ALS2: variants seen among roughly 807,000 people sequenced by gnomAD.
The protein encoded by ALS2 is alsin.
A neutral mutation model predicts 203.4 loss-of-function variants in ALS2; 117 were observed. The observed-to-expected ratio is 0.58, with a 90% CI of 0.50 to 0.67. The LOEUF (loss-of-function observed/expected upper bound fraction) is 0.67, where lower values mean the gene tolerates loss of function less well. ALS2 is among the 30% of genes least tolerant of loss of function. ALS2 has a pLI of 0.00. For synonymous variants in ALS2, 718 were observed against 725.9 expected (o/e 0.99, Z 0.17); for missense variants, 1,715 against 1,989.4 (o/e 0.86, Z 2.62).
rs141509107 is a variant in ALS2, at chr2:201,701,746, T to G, written c.*105A>C. On this transcript the variant is annotated 3_prime_UTR_variant, in exon 34 of 34. Coordinates refer to ENST00000264276, the MANE Select transcript of ALS2 (RefSeq NM_020919.4). ...TTCTAACAACCTAAATAACACAAAGTCCTTTCCAATTTCAACACTGTTCTT... is the reference window on the plus strand; with the variant it reads ...TTCTAACAACCTAAATAACACAAAGGCCTTTCCAATTTCAACACTGTTCTT... 2,336 of 1,095,926 alleles carry G rather than the reference T, an allele frequency of 2.1e-3. 38 individuals are homozygous for G. The African/African-American group carries it at 0.032, about 15-fold the overall frequency. The allele number at this position is 1,095,926 out of a possible 1,614,324, so 67.9% of individuals were successfully genotyped here. A position where few individuals can be genotyped will look rare whatever the true frequency, so the allele number is the denominator to read the frequency against.
intron 1 of ALS2, among the ~76,000 whole-genome samples, chr2:201,771,881 G>A (rs896139539): frequency 2.0e-5 from 3 of 152,116 alleles, no homozygotes; most frequent in African/African-American, 7.2e-5. Context: ...TTCCTGCATA[G>A]ACCTGTTAAC....
chr2:201,726,225 G>C (rs1018590146), intron 19 of ALS2, among the ~76,000 whole-genome samples: 1 of 152,132 alleles, frequency 6.6e-6, no homozygotes, highest in Non-Finnish European at 1.5e-5. Flanking sequence ...GAAATGAATA[G>C]AAAACATAGC....
chr2:201,705,545 G>T, intron 29 of ALS2, 84 bp from the exon 30 acceptor site: 1 of 1,045,808 alleles, frequency 9.6e-7, no homozygotes, highest in Non-Finnish European at 1.5e-6. Flanking sequence ...AGCTATATTG[G>T]CTTCCTTGTC....
At chr2:201,727,046 T>TAAA (rs11392576) in intron 17 of ALS2, among the ~76,000 whole-genome samples, 166 bp downstream of exon 17, 2 of 147,260 alleles carry the variant, frequency 1.4e-5, no homozygotes, top group South Asian at 2.1e-4. Flanking sequence ...TAAGTCACAT[T>TAAA]AAAAAAAAAA....
Position 201,707,750 on chromosome 2 carries a change from A to G in ALS2, c.4403+119T>C, listed in dbSNP as rs866328112. ...GGCCCCAACCCTCCTGGCCCCAACC[A>G]TATCATTTTAGAAATGAGGAAATAG... is the stretch of plus-strand genomic sequence containing the variant. On this transcript the variant is annotated intron_variant, in intron 28 of 33. Transcript: ENST00000264276. 2.2e-6 allele frequency: 3 copies of G among 1,384,272 alleles called. No homozygotes were observed. The Middle Eastern group carries it at 5.6e-4, about 260-fold the overall frequency. 85.7% of individuals were successfully genotyped at this position (1,384,272 alleles called of 1,614,324 possible). A position where few individuals can be genotyped will look rare whatever the true frequency, so the allele number is the denominator to read the frequency against.
At chr2:201,727,606 A>G (rs1460107406) in intron 16 of ALS2, 99 bp downstream of exon 16, 7 of 1,033,078 alleles carry the variant, frequency 6.8e-6, no homozygotes, top group Non-Finnish European at 1.0e-5. Context: ...GAATGAGGAG[A>G]CTGTCTCCGA....
chr2:201,762,478 TG>T (rs747427671), intron 3 of ALS2, among the ~76,000 whole-genome samples: 19 of 152,182 alleles, frequency 1.2e-4, no homozygotes, highest in Non-Finnish European at 2.4e-4. Flanking sequence ...AGAGGTGTTT[TG>T]GATTTCAGGT....
At chr2:201,709,845 C>T in intron 27 of ALS2, 36 bp downstream of exon 27, 2 of 1,612,946 alleles carry the variant, frequency 1.2e-6, no homozygotes, top group Non-Finnish European at 1.7e-6. Context: ...AAATAGTATT[C>T]CATAGCCCGC....
In ALS2 at chr2:201,720,238, C is replaced by G. The variant is rs935373361; in HGVS notation, c.3703-2028G>C. ...AACAAAATATTCGCATTAAATCCAG[C>G]AACACCAACATATAAAAAAAATTAT... is the stretch of plus-strand genomic sequence containing the variant. On this transcript the variant is annotated intron_variant, in intron 23 of 33. Coordinates refer to ENST00000264276, the MANE Select transcript of ALS2 (RefSeq NM_020919.4). The G allele has an allele frequency of 2.3e-5, 8 of 351,004 alleles. No homozygotes were observed. The East Asian group carries it at 7.8e-4, about 34-fold the overall frequency. The allele number at this position is 351,004 out of a possible 1,614,324, so 21.7% of individuals were successfully genotyped here. A position where few individuals can be genotyped will look rare whatever the true frequency, so the allele number is the denominator to read the frequency against.
At chr2:201,750,349 C>T (rs565157637) in intron 7 of ALS2, among the ~76,000 whole-genome samples, 89 of 152,134 alleles carry the variant, frequency 5.9e-4, no homozygotes, top group African/African-American at 2.1e-3. Context: ...AATAAGGAAA[C>T]CCAGAGAGGT....
chr2:201,767,448 T>C, intron 2 of ALS2, 65 bp from the exon 3 acceptor site: 2 of 1,563,628 alleles, frequency 1.3e-6, no homozygotes, highest in Non-Finnish European at 1.8e-6. Flanking sequence ...TTGTTCTTAA[T>C]ACTTTTCATG....
chr2:201,780,611 T>G (rs1694861919), intron 1 of ALS2, among the ~76,000 whole-genome samples: 1 of 152,102 alleles, frequency 6.6e-6, no homozygotes. Context: ...CGGCGCCCAG[T>G]CTGGGGAGGG....
chr2:201,736,243 A>T (rs1383717871), intron 12 of ALS2, among the ~76,000 whole-genome samples: 1 of 152,176 alleles, frequency 6.6e-6, no homozygotes, highest in African/African-American at 2.4e-5. Context: ...ATTGTGGTGT[A>T]TTAAGATCAA....
In ALS2 at chr2:201,729,753, C is replaced by T. The variant is rs904213561; in HGVS notation, c.2581-570G>A. Among the ~76,000 whole-genome samples, 39 of 151,650 alleles carry T rather than the reference C, an allele frequency of 2.6e-4. 1 individual carries two copies. The East Asian group carries it at 5.6e-3, about 22-fold the overall frequency. ...AAAATTAGCCGGGTGTGGTGGCGGG[C>T]GCCTGTAGACCCAGCTACTCGGGAG... On this transcript the variant is annotated intron_variant, in intron 13 of 33. Coordinates refer to ENST00000264276, the MANE Select transcript of ALS2 (RefSeq NM_020919.4).
intron 24 of ALS2, among the ~76,000 whole-genome samples, chr2:201,717,655 A>G (rs1444288816): frequency 2.7e-5 from 4 of 149,446 alleles, no homozygotes; most frequent in East Asian, 4.0e-4. Flanking sequence ...AAAAAAAAAA[A>G]GACTTTGGCC....
chr2:201,763,343 GC>G, intron 3 of ALS2: 1 of 192,000 alleles, frequency 5.2e-6, no homozygotes, highest in Non-Finnish European at 1.1e-5. Context: ...GCTGATGATG[GC>G]CAGTATCGAT....
chr2:201,756,515 G>T (rs1693403395), intron 5 of ALS2, among the ~76,000 whole-genome samples: 1 of 78,572 alleles, frequency 1.3e-5, no homozygotes, highest in Non-Finnish European at 2.4e-5. Context: ...TAAACCAGGA[G>T]TTGGTCAATT....
intron 2 of ALS2, among the ~76,000 whole-genome samples, chr2:201,767,838 A>G (rs2106103659): frequency 6.9e-6 from 1 of 145,960 alleles, no homozygotes; most frequent in Admixed American, 7.0e-5. Context: ...ACTGCACTCC[A>G]GCCTGGGCGA....
intron 26 of ALS2, among the ~76,000 whole-genome samples, chr2:201,710,377 A>G (rs6723171): frequency 0.89 from 135,486 of 151,536 alleles, 60,777 homozygotes; most frequent in East Asian, 0.98. Flanking sequence ...CAGGAGGATC[A>G]ATTGAGCTCA....
Sources: gnomAD v4.1 joint callset for allele counts (sites outside exome capture counted in the v4.1 genomes callset) on GRCh38, gnomAD v4.1.1 for gene constraint, MANE v1.5 for transcripts, NCBI Gene and HGNC (gene_info 2026-07-23, HGNC 2026-07-21) for gene names.